METTL22: variants seen among roughly 807,000 people sequenced by gnomAD.
METTL22 encodes the protein methyltransferase-like protein 22.
In METTL22, 51 loss-of-function variants were observed where a neutral mutation model predicts 48.4. The ratio of observed to expected loss-of-function variants is 1.05; its 90% CI spans 0.84 to 1.33. The LOEUF (loss-of-function observed/expected upper bound fraction) is 1.33. METTL22 is among the 40% of genes most tolerant of loss of function. The probability of loss-of-function intolerance (pLI) is 0.00; values close to 1 mark genes in which losing one functional copy is unlikely to be tolerated. For synonymous variants in METTL22, 255 were observed against 214.1 expected, an observed-to-expected ratio of 1.19 and a Z score of -1.67; for missense variants, 678 against 526.9, an observed-to-expected ratio of 1.29 and a Z score of -2.81.
chr16:8,644,409 TCA>T (rs1463704724), intron 9 of METTL22, 146 bp from the exon 10 acceptor site: 10 of 725,366 alleles, frequency 1.4e-5, no homozygotes, highest in African/African-American at 1.3e-4. Context: ...GGAATTGCAC[TCA>T]CACACTCAGC....
At chr16:8,665,290 C>A in the METTL22 span, among the ~76,000 whole-genome samples, 1 of 152,040 alleles carries the variant, frequency 6.6e-6, no homozygotes, top group South Asian at 2.1e-4. Flanking sequence ...GAGAGTGAGA[C>A]GCTCTCTCAA....
At chr16:8,651,211 C>A (rs1596378395), downstream of METTL22, among the ~76,000 whole-genome samples, 1 of 151,608 alleles carries the variant, frequency 6.6e-6, no homozygotes, top group East Asian at 1.9e-4. Flanking sequence ...CATGGTGAAA[C>A]CCCGTCTCTA....
chr16:8,633,667 C>T (rs1424709846), intron 3 of METTL22, among the ~76,000 whole-genome samples: 3 of 152,218 alleles, frequency 2.0e-5, no homozygotes, highest in African/African-American at 7.2e-5. Flanking sequence ...CTGCCACTCA[C>T]CCTCTCTGTG....
Position 8,623,409 on chromosome 16 carries a change from C to T in METTL22, c.-171+1634C>T, listed in dbSNP as rs192083905. On this transcript the variant is annotated intron_variant, in intron 1 of 10. Transcript: ENST00000381920. ...AATATTAGAGAGGATCTTCCCCACC[C>T]CCTTCAAAAAAAACTGTATGTGAAA... Among the ~76,000 whole-genome samples the T allele has an allele frequency of 1.4e-3, 215 of 152,246 alleles. 2 individuals are homozygous for T. The highest frequency in any genetic ancestry group is 5.0e-3 in the African/African-American group (209 of 41,542).
intron 9 of METTL22, among the ~76,000 whole-genome samples, chr16:8,643,474 C>A (rs569780726): frequency 6.6e-6 from 1 of 152,330 alleles, no homozygotes; most frequent in South Asian, 2.1e-4. Flanking sequence ...TTTCCAGCTT[C>A]ACAGAGGAAA....
At chr16:8,632,184 A>G (rs1034411934) in intron 3 of METTL22, 1 of 152,128 alleles carries the variant, frequency 6.6e-6, no homozygotes, top group African/African-American at 2.4e-5. Flanking sequence ...GGCTTTTTCC[A>G]TCTGGCCCCA....
chr16:8,642,026 C>A, intron 7 of METTL22, 101 bp from the exon 8 acceptor site: 1 of 899,524 alleles, frequency 1.1e-6, no homozygotes, highest in Non-Finnish European at 1.9e-6. Context: ...CTACCCCCAG[C>A]CCTGTTTCTT....
chr16:8,636,649 T>G (rs544334718), intron 5 of METTL22, among the ~76,000 whole-genome samples: 57 of 3,734 alleles, frequency 0.015, no homozygotes, highest in African/African-American at 0.016. Context: ...TTTTTTGGTT[T>G]TTGTTTTTTT....
At chr16:8,656,901 AAG>A in the METTL22 span, among the ~76,000 whole-genome samples, 3 of 152,246 alleles carry the variant, frequency 2.0e-5, no homozygotes, top group Non-Finnish European at 2.9e-5. Context: ...TAGAACAGTA[AAG>A]AGAGGATGAG....
At chr16:8,653,803 A>T (rs1409486884), downstream of METTL22, among the ~76,000 whole-genome samples, 3 of 152,174 alleles carry the variant, frequency 2.0e-5, no homozygotes, top group African/African-American at 7.2e-5. Flanking sequence ...AAGCTACTGA[A>T]ACGTTTCAGT....
At chr16:8,639,843 G>C (rs1260704807) in intron 6 of METTL22, among the ~76,000 whole-genome samples, 1 of 152,050 alleles carries the variant, frequency 6.6e-6, no homozygotes, top group Non-Finnish European at 1.5e-5. Flanking sequence ...ACTGTTGCTT[G>C]TCTCATGTTC....
In METTL22 at chr16:8,644,636, C is replaced by T. The variant is rs745931463; in HGVS notation, c.1090C>T (p.Gln364Ter). Reference sequence around the variant, plus strand: ...CCGCTCCTGCCTGCACGCGCTGGAGCAGCTCGCAGATGGCAAGCTGCGCTT... The same window carrying T: ...CCGCTCCTGCCTGCACGCGCTGGAGTAGCTCGCAGATGGCAAGCTGCGCTT... ...HFRSCLHALE[Q>*]LADGKLRFVV... Residue 364 changes from glutamine (Q) to a stop codon, truncating the protein, a stop_gained, in exon 10 of 11, where the codon CAG becomes TAG. Transcript: ENST00000381920. LOFTEE classifies it high-confidence loss of function. 17 of 1,606,680 alleles carry T rather than the reference C, an allele frequency of 1.1e-5. No homozygotes were observed. Among genetic ancestry groups the T allele is most frequent in the East Asian group, 2.3e-5 (1 of 44,330 alleles).
Position 8,628,845 on chromosome 16 carries a change from C to A in METTL22, c.249C>A (p.Gly83=). 5 of 1,614,154 alleles carry A rather than the reference C, an allele frequency of 3.1e-6. No individual in the cohort carries two copies. The highest frequency in any genetic ancestry group is 4.2e-6 in the Non-Finnish European group (5 of 1,180,038). The part of the protein sequence containing the change: ...HTKEPPSAET[G]STGSPPGSGH... ...AGGAGCCTCCTTCTGCTGAGACAGG[C>A]AGCACAGGGTCCCCTCCAGGAAGTG... Residue 83 remains glycine (G), a synonymous_variant, in exon 3 of 11, where the codon GGC becomes GGA. Transcript: ENST00000381920.
At chr16:8,651,141 A>G (rs141474509), downstream of METTL22, among the ~76,000 whole-genome samples, 9,714 of 152,182 alleles carry the variant, frequency 0.064, 427 homozygotes, top group African/African-American at 0.12. Context: ...TAATCCCAGC[A>G]CTTTGGGAGG....
chr16:8,654,730 C>G, the METTL22 span, among the ~76,000 whole-genome samples: 1 of 152,152 alleles, frequency 6.6e-6, no homozygotes, highest in East Asian at 1.9e-4. Context: ...CTACAAGACC[C>G]TGGGCTTGGT....
chr16:8,646,337 GT>G lies in METTL22; in HGVS notation c.*195del. On this transcript the variant is annotated 3_prime_UTR_variant, in exon 11 of 11. Coordinates refer to ENST00000381920, the MANE Select transcript of METTL22 (RefSeq NM_024109.4). Reference sequence around the variant, plus strand: ...GTTGTAGCCAGAGAAGGTTGTTGCTGTGGGCTGGAGGTCACTTTAGTTGCCT... The same window carrying G: ...GTTGTAGCCAGAGAAGGTTGTTGCTGGGGCTGGAGGTCACTTTAGTTGCCT... 1 of 758,466 alleles carries G rather than the reference GT, an allele frequency of 1.3e-6. No individual in the cohort carries two copies. The allele number at this position is 758,466 out of a possible 1,614,324, so 47.0% of individuals were successfully genotyped here.
chr16:8,633,935 T>G (rs1354183681), intron 3 of METTL22, among the ~76,000 whole-genome samples: 1 of 152,232 alleles, frequency 6.6e-6, no homozygotes, highest in Admixed American at 6.5e-5. Flanking sequence ...GTCTGTCTAG[T>G]GAATGTTGGT....
the METTL22 span, among the ~76,000 whole-genome samples, chr16:8,655,235 C>G: frequency 6.6e-6 from 1 of 152,202 alleles, no homozygotes; most frequent in African/African-American, 2.4e-5. Flanking sequence ...TCTGCTAAGG[C>G]TACAAGGAGT....
chr16:8,630,200 GCAAA>G (rs5815484), intron 3 of METTL22, among the ~76,000 whole-genome samples: 126,062 of 151,758 alleles, frequency 0.83, 53,178 homozygotes, highest in East Asian at 1. Flanking sequence ...TATCTGCTCA[GCAAA>G]CAGTTACTAA....
Sources: gnomAD v4.1 joint callset for allele counts (sites outside exome capture counted in the v4.1 genomes callset) on GRCh38, gnomAD v4.1.1 for gene constraint, MANE v1.5 for transcripts, NCBI Gene and HGNC (gene_info 2026-07-23, HGNC 2026-07-21) for gene names.